Variants in ZFHX3 observed in about 807,000 individuals in gnomAD.
ZFHX3 encodes the protein zinc finger homeobox protein 3.
A neutral mutation model predicts 279.1 loss-of-function variants in ZFHX3; 42 were observed. The ratio of observed to expected loss-of-function variants is 0.15; its 90% CI spans 0.12 to 0.19. The LOEUF (loss-of-function observed/expected upper bound fraction) is 0.19, where lower values mean the gene tolerates loss of function less well. Ranked by LOEUF, ZFHX3 falls within the 10% of genes least tolerant of loss-of-function variation. ZFHX3 has a pLI of 1.00. For missense variants in ZFHX3, 4,981 were observed against 4,754.0 expected (o/e 1.05, Z -1.40); for synonymous variants, 2,293 against 1,957.8 (o/e 1.17, Z -4.52).
intron 4 of ZFHX3, among the ~76,000 whole-genome samples, chr16:72,856,656 CA>C (rs2037762619): frequency 6.6e-6 from 1 of 152,192 alleles, no homozygotes; most frequent in Non-Finnish European, 1.5e-5. Flanking sequence ...ATCTTCCTAG[CA>C]CATGGAAAAC....
At chr16:73,017,455 G>A (rs946611576) in intron 1 of ZFHX3, among the ~76,000 whole-genome samples, 6 of 151,940 alleles carry the variant, frequency 3.9e-5, no homozygotes, top group African/African-American at 7.3e-5. Context: ...TTCCTGCCCC[G>A]CTTTCCAGTG....
In ZFHX3 at chr16:72,798,598, A is replaced by C. The variant is rs200186770; in HGVS notation, c.4084T>G (p.Cys1362Gly). Residue 1362 changes from cysteine (C) to glycine (G), a missense_variant, in exon 9 of 10, where the codon TGC becomes GGC. This residue lies in a region of ZFHX3 where 1,751 missense variants were observed against 1,770.0 expected (regional missense o/e 0.99). Transcript: ENST00000268489. ...ACCTGGTTGCACCCCTTCTTCCAGCAGATGAAGCCTGAGTCTTCTCTCACA... is the reference window on the plus strand; with the variant it reads ...ACCTGGTTGCACCCCTTCTTCCAGCCGATGAAGCCTGAGTCTTCTCTCACA... ...GSVREDSGFI[C>G]WKKGCNQVFK... is the part of the protein sequence containing the mutation. 9.3e-6 allele frequency: 15 copies of C among 1,614,222 alleles called. No individual in the cohort carries two copies. Among genetic ancestry groups the C allele is most frequent in the Non-Finnish European group, 1.2e-5 (14 of 1,180,036 alleles).
At chr16:72,906,024 T>C (rs1032806687) in intron 3 of ZFHX3, among the ~76,000 whole-genome samples, 8 of 151,968 alleles carry the variant, frequency 5.3e-5, no homozygotes, top group Non-Finnish European at 1.0e-4. Flanking sequence ...GGGTCAGAGT[T>C]GCATGTTCAG....
intron 4 of ZFHX3, among the ~76,000 whole-genome samples, chr16:73,272,127 G>A (rs1004481309): frequency 6.6e-6 from 1 of 152,142 alleles, no homozygotes; most frequent in African/African-American, 2.4e-5. Flanking sequence ...AAAAGAGCAG[G>A]TAGAGCTAAC....
chr16:72,845,086 A>C (rs1329625509), intron 4 of ZFHX3, among the ~76,000 whole-genome samples: 1 of 152,148 alleles, frequency 6.6e-6, no homozygotes, highest in Non-Finnish European at 1.5e-5. Flanking sequence ...GTGTGGCGGA[A>C]AAGAGGGCAA....
chr16:73,214,407 G>C (rs937716564), intron 5 of ZFHX3, among the ~76,000 whole-genome samples: 1 of 151,950 alleles, frequency 6.6e-6, no homozygotes, highest in African/African-American at 2.4e-5. Flanking sequence ...GACTTACGGT[G>C]TGGCCTTCAA....
intron 4 of ZFHX3, among the ~76,000 whole-genome samples, chr16:73,314,570 T>C (rs1157840783): frequency 6.6e-6 from 1 of 152,162 alleles, no homozygotes; most frequent in Non-Finnish European, 1.5e-5. Flanking sequence ...CTGGAGCTCC[T>C]TCCTCTCAAC....
rs542169768 is a variant in ZFHX3 at position 73,470,168 on chromosome 16, G to A, written c.-1546-13910C>T. Among the ~76,000 whole-genome samples, 13 of 152,252 alleles carry A rather than the reference G, an allele frequency of 8.5e-5. No homozygotes were observed. The East Asian group carries it at 2.5e-3, about 29-fold the overall frequency. ...GGGATGACAATACCGCCCATCTTGG[G>A]AACACACTCTGAGTAGCGAGTTTGA... is the stretch of plus-strand genomic sequence containing the variant. On this transcript the variant is annotated intron_variant, in intron 2 of 17. Transcript: ENST00000641206.
intron 1 of ZFHX3, among the ~76,000 whole-genome samples, chr16:73,886,459 G>C (rs2142419126): frequency 6.6e-6 from 1 of 152,260 alleles, no homozygotes; most frequent in Middle Eastern, 3.4e-3. Flanking sequence ...AAGACAGACG[G>C]ACTTTAATAA....
chr16:72,799,890 T>A, intron 8 of ZFHX3, 137 bp downstream of exon 8: 2 of 736,150 alleles, frequency 2.7e-6, no homozygotes, highest in South Asian at 3.3e-5. Flanking sequence ...AAGTAGCTGA[T>A]GACAGTGCCC....
chr16:72,840,717 C>A (rs189309780), intron 4 of ZFHX3, among the ~76,000 whole-genome samples: 4 of 152,300 alleles, frequency 2.6e-5, no homozygotes, highest in Admixed American at 6.5e-5. Flanking sequence ...TTCACCCTTG[C>A]GAAGCACAGA....
chr16:73,108,047 G>C lies in ZFHX3; in HGVS notation c.-896-14449C>G, dbSNP rs572990507. ...GTGGTGGCGGGCACCTGTAGTCCCAGCTACTCGGGAGGCCGAGGCAGGAGA... is the reference window on the plus strand; with the variant it reads ...GTGGTGGCGGGCACCTGTAGTCCCACCTACTCGGGAGGCCGAGGCAGGAGA... On this transcript the variant is annotated intron_variant, in intron 7 of 17. Coordinates refer to the ZFHX3 transcript ENST00000641206. Among the ~76,000 whole-genome samples the C allele has an allele frequency of 4.5e-4, 69 of 152,306 alleles. 1 individual carries two copies. Among genetic ancestry groups the C allele is most frequent in the Admixed American group, 1.8e-3 (27 of 15,296 alleles).
At chr16:72,995,843 G>C (rs1963263597) in intron 1 of ZFHX3, among the ~76,000 whole-genome samples, 1 of 152,152 alleles carries the variant, frequency 6.6e-6, no homozygotes, top group South Asian at 2.1e-4. Context: ...GCACATATGA[G>C]AACAGCGCCA....
chr16:73,621,668 G>GA (rs1289009884), intron 2 of ZFHX3, among the ~76,000 whole-genome samples: 1 of 151,924 alleles, frequency 6.6e-6, no homozygotes, highest in African/African-American at 2.4e-5. Flanking sequence ...AATTTAGGGG[G>GA]AAAAAAGGAG....
At chr16:73,180,084 A>G (rs927557849) in intron 5 of ZFHX3, among the ~76,000 whole-genome samples, 23 of 152,322 alleles carry the variant, frequency 1.5e-4, no homozygotes, top group Admixed American at 1.0e-3. Flanking sequence ...CCTACGGGAA[A>G]CTGTATAAAC....
At chr16:73,477,881 A>G (rs190645431) in intron 2 of ZFHX3, among the ~76,000 whole-genome samples, 21 of 152,296 alleles carry the variant, frequency 1.4e-4, no homozygotes, top group Admixed American at 3.3e-4. Flanking sequence ...ACACAGCTAT[A>G]TAAGATCTTG....
At chr16:72,801,091 C>G (rs1402839804) in intron 7 of ZFHX3, among the ~76,000 whole-genome samples, 1 of 152,178 alleles carries the variant, frequency 6.6e-6, no homozygotes, top group Non-Finnish European at 1.5e-5. Context: ...CAAAAAGAAG[C>G]AATATCCTTT....
At chr16:73,225,688 C>T (rs1371902806) in intron 5 of ZFHX3, among the ~76,000 whole-genome samples, 3 of 152,322 alleles carry the variant, frequency 2.0e-5, no homozygotes, top group East Asian at 3.9e-4. Context: ...ACTGAAGACA[C>T]TAACTTGGTC....
intron 7 of ZFHX3, among the ~76,000 whole-genome samples, chr16:73,113,224 G>A (rs963536536): frequency 6.6e-6 from 1 of 152,090 alleles, no homozygotes; most frequent in African/African-American, 2.4e-5. Context: ...ACCAGGCGAG[G>A]AGGTGGAGAA....
Sources: allele counts gnomAD v4.1 joint callset (sites outside exome capture counted in the v4.1 genomes callset), GRCh38; gene constraint gnomAD v4.1.1; regional missense constraint gnomAD v4.1.1; transcripts MANE v1.5; gene names NCBI Gene and HGNC (gene_info 2026-07-23, HGNC 2026-07-21).